Variants in PSMD5 observed in about 807,000 individuals in gnomAD.
PSMD5 encodes 26S proteasome non-ATPase regulatory subunit 5.
A neutral mutation model predicts 52.1 loss-of-function variants in PSMD5; 40 were observed. The observed-to-expected ratio is 0.77, with a 90% CI of 0.60 to 1.00. The LOEUF is 1.00. Among genes scored for constraint, PSMD5 ranks in the 50% least tolerant of loss-of-function variants. The pLI is 0.00. For synonymous variants in PSMD5, 211 were observed against 226.6 expected, an observed-to-expected ratio of 0.93 and a Z score of 0.62; for missense variants, 575 against 605.2, an observed-to-expected ratio of 0.95 and a Z score of 0.52.
At position 120,817,855 on chromosome 9, in the gene PSMD5, TAGG is replaced by T; in HGVS notation, c.*48_*50del. Reference sequence around the variant, plus strand: ...GAAATATAGATGGAGTCAAATGCCTTAGGAGAAGTTTTGGTCAAAACGTGGTCC... The same window carrying T: ...GAAATATAGATGGAGTCAAATGCCTTAGAAGTTTTGGTCAAAACGTGGTCC... On this transcript the variant is annotated 3_prime_UTR_variant, in exon 10 of 10. Coordinates refer to ENST00000210313, the MANE Select transcript of PSMD5 (RefSeq NM_005047.4). 1.9e-6 allele frequency: 3 copies of T among 1,545,220 alleles called. No homozygotes were observed. Among genetic ancestry groups the T allele is most frequent in the Middle Eastern group, 1.7e-4 (1 of 5,762 alleles).
At chr9:120,828,466 C>G (rs914679746) in intron 5 of PSMD5, among the ~76,000 whole-genome samples, 2 of 115,262 alleles carry the variant, frequency 1.7e-5, no homozygotes, top group African/African-American at 6.8e-5. Context: ...TTTTTTGAGA[C>G]AGAGTCTTAC....
chr9:120,818,248 G>T, intron 9 of PSMD5, 85 bp from the exon 10 acceptor site: 1 of 1,364,894 alleles, frequency 7.3e-7, no homozygotes, highest in Non-Finnish European at 9.8e-7. Context: ...AAAGAAATCT[G>T]GCAACATGAA....
chr9:120,828,804 A>G (rs986560257), intron 5 of PSMD5, among the ~76,000 whole-genome samples: 7 of 152,228 alleles, frequency 4.6e-5, no homozygotes, highest in Non-Finnish European at 1.0e-4. Flanking sequence ...AAATATTAGT[A>G]ATTCAAAATG....
At position 120,821,320 on chromosome 9, in the gene PSMD5, T is replaced by C. The variant is rs768803140; in HGVS notation, c.1116+35A>G. ...ATACAGATTTATTCTCCCAAACATA[T>C]CCCACTGTCCTTCATTATTTCCCTA... is the stretch of plus-strand genomic sequence containing the variant. On this transcript the variant is annotated intron_variant, in intron 8 of 9. Transcript: ENST00000210313. The C allele has an allele frequency of 1.4e-5, 18 of 1,326,656 alleles. No homozygotes were observed. In the East Asian group the frequency reaches 4.2e-4, roughly 31 times the overall value. 82.2% of individuals were successfully genotyped at this position (1,326,656 alleles called of 1,614,324 possible). A position where few individuals can be genotyped will look rare whatever the true frequency, so the allele number is the denominator to read the frequency against.
intron 9 of PSMD5, among the ~76,000 whole-genome samples, chr9:120,819,349 A>G (rs922600367): frequency 2.0e-5 from 3 of 152,252 alleles, no homozygotes; most frequent in African/African-American, 7.2e-5. Flanking sequence ...TTCACAACCA[A>G]GCATGAAAGT....
intron 1 of PSMD5, among the ~76,000 whole-genome samples, chr9:120,835,200 C>T (rs1281467558): frequency 1.3e-5 from 2 of 152,142 alleles, no homozygotes; most frequent in Non-Finnish European, 2.9e-5. Flanking sequence ...CACAAATGTT[C>T]ACAGCAGTGG....
chr9:120,831,025 A>G (rs941395158), intron 4 of PSMD5, among the ~76,000 whole-genome samples: 1 of 152,154 alleles, frequency 6.6e-6, no homozygotes, highest in Non-Finnish European at 1.5e-5. Flanking sequence ...CTGGGACGAC[A>G]TGCACATACC....
chr9:120,827,237 A>C (rs1305478689), intron 5 of PSMD5, among the ~76,000 whole-genome samples: 2 of 152,248 alleles, frequency 1.3e-5, no homozygotes, highest in Non-Finnish European at 2.9e-5. Context: ...AGTAATGAGA[A>C]TACAATAAGC....
intron 1 of PSMD5, among the ~76,000 whole-genome samples, chr9:120,836,187 T>C (rs1248461503): frequency 3.3e-5 from 5 of 152,256 alleles, no homozygotes; most frequent in Admixed American, 3.3e-4. Flanking sequence ...AGGCAAGATG[T>C]ACAATATCCC....
chr9:120,836,564 T>C (rs2045199788), intron 1 of PSMD5, among the ~76,000 whole-genome samples: 1 of 151,732 alleles, frequency 6.6e-6, no homozygotes, highest in African/African-American at 2.4e-5. Flanking sequence ...GCCCAGCTAA[T>C]TTTTGTATTT....
Position 120,824,480 on chromosome 9 carries a change from CA to C in PSMD5, c.1006+13del, listed in dbSNP as rs2045108372. On this transcript the variant is annotated intron_variant, in intron 7 of 9. Transcript: ENST00000210313. Reference sequence around the variant, plus strand: ...AGATTAAGATATCCCTGAACAGGGCCAAGTCATACCAACCTGTTTTCTGTAA... The same window carrying C: ...AGATTAAGATATCCCTGAACAGGGCCAGTCATACCAACCTGTTTTCTGTAA... 3 of 1,613,556 alleles carry C rather than the reference CA, an allele frequency of 1.9e-6. No homozygotes were observed. The African/African-American group carries it at 4.0e-5, about 22-fold the overall frequency.
rs2045249375 is a variant in PSMD5, at chr9:120,842,736, C to T, written c.173+1G>A. On this transcript the variant is annotated splice_donor_variant, in intron 1 of 9. Coordinates refer to ENST00000210313, the MANE Select transcript of PSMD5 (RefSeq NM_005047.4). LOFTEE classifies it high-confidence loss of function. Reference sequence around the variant, plus strand: ...GGCTCAAGCCCCCGGGGTCCTCTCACCTATGGTTCTCGTTAAGCAGGGAGA... The same window carrying T: ...GGCTCAAGCCCCCGGGGTCCTCTCATCTATGGTTCTCGTTAAGCAGGGAGA... 1.2e-6 allele frequency: 2 copies of T among 1,613,186 alleles called. No homozygotes were observed. The highest frequency in any genetic ancestry group is 1.3e-5 in the African/African-American group (1 of 74,952).
At chr9:120,827,624 C>T (rs1051193846) in intron 5 of PSMD5, among the ~76,000 whole-genome samples, 1 of 152,130 alleles carries the variant, frequency 6.6e-6, no homozygotes, top group African/African-American at 2.4e-5. Flanking sequence ...TTAATTGTCT[C>T]ATTAGGTTGA....
chr9:120,831,022 G>A (rs566788766), intron 4 of PSMD5, among the ~76,000 whole-genome samples: 64 of 152,102 alleles, frequency 4.2e-4, no homozygotes, highest in African/African-American at 1.3e-3. Flanking sequence ...TAGCTGGGAC[G>A]ACATGCACAT....
In PSMD5 at chr9:120,817,036, T is replaced by C. The variant is rs978653107; in HGVS notation, c.*870A>G. 5 of 152,104 alleles carry C rather than the reference T, an allele frequency of 3.3e-5. No individual in the cohort carries two copies. Among genetic ancestry groups the C allele is most frequent in the Non-Finnish European group, 5.9e-5 (4 of 68,014 alleles). The allele number at this position is 152,104 out of a possible 1,614,324, so 9.4% of individuals were successfully genotyped here. ...AGCAAAAAAAATTACATGAACACTATAAACATTTTTTAGATATTTTGTCTT... is the reference window on the plus strand; with the variant it reads ...AGCAAAAAAAATTACATGAACACTACAAACATTTTTTAGATATTTTGTCTT... On this transcript the variant is annotated 3_prime_UTR_variant, in exon 10 of 10. Coordinates refer to ENST00000210313, the MANE Select transcript of PSMD5 (RefSeq NM_005047.4).
At chr9:120,835,373 C>T (rs2045190684) in intron 1 of PSMD5, among the ~76,000 whole-genome samples, 1 of 152,144 alleles carries the variant, frequency 6.6e-6, no homozygotes, top group Admixed American at 6.5e-5. Context: ...ACACAAAAGG[C>T]TTCCTTTTGA....
Position 120,842,696 on chromosome 9 carries a change from G to T in PSMD5, c.173+41C>A, listed in dbSNP as rs537325258. The T allele has an allele frequency of 1.6e-5, 26 of 1,608,216 alleles. 1 individual carries two copies. In the South Asian group the frequency reaches 2.5e-4, roughly 16 times the overall value. On this transcript the variant is annotated intron_variant, in intron 1 of 9. Coordinates refer to ENST00000210313, the MANE Select transcript of PSMD5 (RefSeq NM_005047.4). ...AACCACTCTCATGTCCATATTTAGGGGTGCCCCTCTCCTCGGCTCAAGCCC... is the reference window on the plus strand; with the variant it reads ...AACCACTCTCATGTCCATATTTAGGTGTGCCCCTCTCCTCGGCTCAAGCCC...
intron 7 of PSMD5, 65 bp from the exon 8 acceptor site, chr9:120,821,529 A>G: frequency 8.5e-7 from 1 of 1,178,800 alleles, no homozygotes; most frequent in East Asian, 2.4e-5. Flanking sequence ...AAAATTTACC[A>G]TTTTAACCAT....
Position 120,833,975 on chromosome 9 carries a change from CTTTTTTTTTTTT to C in PSMD5, c.174-531_174-520del, listed in dbSNP as rs34657179. Among the ~76,000 whole-genome samples, 5 of 80,322 alleles carry C rather than the reference CTTTTTTTTTTTT, an allele frequency of 6.2e-5. No homozygotes were observed. The Admixed American group carries it at 7.5e-4, about 12-fold the overall frequency. 52.7% of individuals were successfully genotyped at this position (80,322 alleles called of 152,430 possible). On this transcript the variant is annotated intron_variant, in intron 1 of 9. Transcript: ENST00000210313. The stretch of plus-strand genomic sequence containing the variant: ...ACAGGCTTGGGCCACCGCACCTGGC[CTTTTTTTTTTTT>C]TTTTTTTTTTGAGACAGAGTCTCGC...
Sources: allele counts gnomAD v4.1 joint callset (sites outside exome capture counted in the v4.1 genomes callset), GRCh38; gene constraint gnomAD v4.1.1; transcripts MANE v1.5; gene names NCBI Gene and HGNC (gene_info 2026-07-23, HGNC 2026-07-21).